CACNA1A: variants seen among roughly 807,000 people sequenced by gnomAD.
CACNA1A encodes the protein voltage-dependent P/Q-type calcium channel subunit alpha-1A.
A neutral mutation model predicts 262.4 loss-of-function variants in CACNA1A; 57 were observed. The observed-to-expected ratio is 0.22, with a 90% CI of 0.18 to 0.27. The LOEUF is 0.27. CACNA1A is among the 10% of genes least tolerant of loss of function. The pLI is 1.00. For missense variants in CACNA1A, 2,526 were observed against 3,562.8 expected, an observed-to-expected ratio of 0.71 and a Z score of 7.41; for synonymous variants, 1,431 against 1,419.3, an observed-to-expected ratio of 1.01 and a Z score of -0.18.
chr19:13,268,789 T>C (rs147890174), intron 24 of CACNA1A, among the ~76,000 whole-genome samples: 9 of 152,042 alleles, frequency 5.9e-5, no homozygotes, highest in Admixed American at 5.3e-4. Flanking sequence ...TCCAAGTGGA[T>C]TCTCCTCCAC....
rs1568709892 is a variant in CACNA1A, at chr19:13,497,554, ATATATATATATATATATATATAT to A, written c.293+8355_293+8377del. Among the ~76,000 whole-genome samples the A allele has an allele frequency of 1.2e-3, 75 of 62,616 alleles. 18 individuals are homozygous for A. Among genetic ancestry groups the A allele is most frequent in the African/African-American group, 1.1e-3 (17 of 15,554 alleles). The allele number at this position is 62,616 out of a possible 152,430, so 41.1% of individuals were successfully genotyped here. On this transcript the variant is annotated intron_variant, in intron 1 of 46. Transcript: ENST00000360228. ...TATATATATATATATATATATATATATATATATATATATATATATATATATAAATTTATGTTGTTAAAGCTGGG... is the reference window on the plus strand; with the variant it reads ...TATATATATATATATATATATATATAATAAATTTATGTTGTTAAAGCTGGG...
rs1265632174 is a variant in CACNA1A at position 13,262,776 on chromosome 19, C to A, written c.4047G>T (p.Val1349=). The change falls in exon 25 of 47, where the codon GTG becomes GTT. Residue 1349 remains valine (V), a synonymous_variant. Transcript: ENST00000360228. Reference sequence around the variant, plus strand: ...GCTTGATGGTTTTAAGAGGTCGTAGCACCCGGAGGACTCGGAGGGATTTAA... The same window carrying A: ...GCTTGATGGTTTTAAGAGGTCGTAGAACCCGGAGGACTCGGAGGGATTTAA... ...NTIKSLRVLR[V]LRPLKTIKRL... 4 of 1,613,576 alleles carry A rather than the reference C, an allele frequency of 2.5e-6. No individual in the cohort carries two copies. Among genetic ancestry groups the A allele is most frequent in the Non-Finnish European group, 3.4e-6 (4 of 1,179,732 alleles).
intron 38 of CACNA1A, among the ~76,000 whole-genome samples, chr19:13,219,126 C>T (rs931986829): frequency 1.3e-5 from 2 of 149,656 alleles, no homozygotes; most frequent in Non-Finnish European, 2.9e-5. Flanking sequence ...ACTGCAACCT[C>T]TGCCTCCTGG....
chr19:13,359,834 G>A, intron 5 of CACNA1A, 35 bp from the exon 6 acceptor site: 1 of 1,445,400 alleles, frequency 6.9e-7, no homozygotes, highest in Non-Finnish European at 9.3e-7. Flanking sequence ...TCAGGGGAAG[G>A]AGCAGGGAAA....
chr19:13,453,526 G>A (rs1338122323), intron 2 of CACNA1A, among the ~76,000 whole-genome samples: 3 of 152,182 alleles, frequency 2.0e-5, no homozygotes, highest in Admixed American at 2.0e-4. Flanking sequence ...TAGAGCTTGT[G>A]CATTGACCTC....
At chr19:13,411,881 T>A (rs962857369) in intron 3 of CACNA1A, among the ~76,000 whole-genome samples, 24 of 152,214 alleles carry the variant, frequency 1.6e-4, no homozygotes, top group Admixed American at 5.2e-4. Flanking sequence ...CTGGCTAATT[T>A]AAAAATTTTT....
intron 3 of CACNA1A, among the ~76,000 whole-genome samples, chr19:13,400,279 C>A (rs1390749641): frequency 6.6e-6 from 1 of 152,152 alleles, no homozygotes; most frequent in African/African-American, 2.4e-5. Flanking sequence ...TAACACTGCA[C>A]ATTCGACTTT....
chr19:13,221,769 T>C (rs1200668804), intron 38 of CACNA1A, among the ~76,000 whole-genome samples: 1 of 152,080 alleles, frequency 6.6e-6, no homozygotes, highest in Non-Finnish European at 1.5e-5. Context: ...AGCCGCCCTT[T>C]TAAACATAGA....
chr19:13,449,322 T>C (rs1376502433), intron 3 of CACNA1A, among the ~76,000 whole-genome samples: 1 of 152,050 alleles, frequency 6.6e-6, no homozygotes, highest in East Asian at 1.9e-4. Flanking sequence ...AAACATTTTT[T>C]AGGGACAGGG....
At chr19:13,253,401 A>AGTC (rs1240083231) in intron 29 of CACNA1A, among the ~76,000 whole-genome samples, 1 of 146,536 alleles carries the variant, frequency 6.8e-6, no homozygotes, top group African/African-American at 2.5e-5. Flanking sequence ...GCCTCCTGAT[A>AGTC]GTCGGGACTA....
chr19:13,229,310 G>A lies in CACNA1A; in HGVS notation c.5528+772C>T, dbSNP rs550091809. ...AGGAAGATGGGGCTTAGGCTGCTGA[G>A]GGCCCCCCAGTAATGCTTCTTCAGG... On this transcript the variant is annotated intron_variant, in intron 36 of 46. Coordinates refer to ENST00000360228, the MANE Select transcript of CACNA1A (RefSeq NM_001127222.2). Among the ~76,000 whole-genome samples the A allele has an allele frequency of 3.3e-5, 5 of 152,234 alleles. No homozygotes were observed. The East Asian group carries it at 9.7e-4, about 29-fold the overall frequency.
intron 3 of CACNA1A, among the ~76,000 whole-genome samples, chr19:13,414,929 C>G (rs893792883): frequency 2.0e-5 from 3 of 152,070 alleles, no homozygotes; most frequent in African/African-American, 7.2e-5. Flanking sequence ...CACCTCTGCA[C>G]TCGAGCCTGG....
intron 1 of CACNA1A, among the ~76,000 whole-genome samples, chr19:13,490,857 GAGAA>G (rs1158491749): frequency 2.9e-5 from 4 of 139,704 alleles, no homozygotes; most frequent in African/African-American, 1.1e-4. Context: ...AGGAGGGAAA[GAGAA>G]AGGAAAGGAA....
intron 1 of CACNA1A, among the ~76,000 whole-genome samples, chr19:13,479,534 G>C (rs894932979): frequency 1.3e-5 from 2 of 152,178 alleles, no homozygotes; most frequent in Non-Finnish European, 2.9e-5. Context: ...TGATCTTCTC[G>C]GGCTTTCTCC....
intron 1 of CACNA1A, among the ~76,000 whole-genome samples, chr19:13,496,938 C>T (rs1168102427): frequency 3.3e-5 from 5 of 152,138 alleles, no homozygotes; most frequent in Non-Finnish European, 5.9e-5. Context: ...TTAGAATCAC[C>T]ACTGGGACAG....
intron 6 of CACNA1A, among the ~76,000 whole-genome samples, chr19:13,338,062 A>G (rs955365786): frequency 4.6e-5 from 7 of 152,164 alleles, no homozygotes; most frequent in African/African-American, 1.4e-4. Context: ...TACTAAAAAT[A>G]CAAAAAAAAT....
In CACNA1A at chr19:13,207,447, C is replaced by T; in HGVS notation, c.7387G>A (p.Ala2463Thr). 2.6e-6 allele frequency: 4 copies of T among 1,512,284 alleles called. No homozygotes were observed. The highest frequency in any genetic ancestry group is 1.2e-5 in the South Asian group (1 of 83,406). The allele number at this position is 1,512,284 out of a possible 1,614,324, so 93.7% of individuals were successfully genotyped here. A position where few individuals can be genotyped will look rare whatever the true frequency, so the allele number is the denominator to read the frequency against. The change falls in exon 47 of 47, where the codon GCC becomes ACC. Residue 2463 changes from alanine (A) to threonine (T), a missense_variant. By Grantham distance (58) the Ala-to-Thr change is moderately conservative. Coordinates refer to ENST00000360228, the MANE Select transcript of CACNA1A (RefSeq NM_001127222.2). This position sits in a 1 kb window ranked among gnomAD's most constrained non-coding sequence, Gnocchi z 5.7. ...CGCCGGCCGTGCCGAGAAGGCGAGG[C>T]GCAGGCCGGGCCCGAGGCCCGGGGA... ...RTPRASGPACASPSRHGRRLP... is the reference protein window; with the variant it reads ...RTPRASGPACTSPSRHGRRLP...
intron 4 of CACNA1A, 107 bp from the exon 5 acceptor site, chr19:13,365,576 G>A (rs2059195388): frequency 3.2e-6 from 3 of 938,184 alleles, no homozygotes; most frequent in African/African-American, 3.3e-5. Flanking sequence ...TGTTCCTGAG[G>A]GAACATTAAG....
chr19:13,255,531 G>A (rs1241106367), intron 28 of CACNA1A, among the ~76,000 whole-genome samples: 1 of 152,080 alleles, frequency 6.6e-6, no homozygotes, highest in Admixed American at 6.6e-5. Flanking sequence ...TGGGAAGTGG[G>A]TACTATCAAT....
Sources: allele counts gnomAD v4.1 joint callset (sites outside exome capture counted in the v4.1 genomes callset), GRCh38; gene constraint gnomAD v4.1.1; non-coding constraint Gnocchi (gnomAD v3.1); transcripts MANE v1.5; gene names NCBI Gene and HGNC (gene_info 2026-07-23, HGNC 2026-07-21).